The following LRRC74A variants were observed in gnomAD, a reference collection of about 807,000 sequenced individuals.
LRRC74A encodes the protein leucine-rich repeat-containing protein 74A.
In LRRC74A, 44 loss-of-function variants were observed where a neutral mutation model predicts 57.9. That is an observed-to-expected ratio of 0.76 (90% CI 0.60 to 0.98). The LOEUF is 0.98. Among genes scored for constraint, LRRC74A ranks in the 50% least tolerant of loss-of-function variants. The pLI is 0.00. For synonymous variants in LRRC74A, 211 were observed against 219.4 expected (o/e 0.96, Z 0.34); for missense variants, 572 against 574.0 (o/e 1.00, Z 0.04).
In LRRC74A at chr14:76,831,208, G is replaced by A. The variant is rs1895946269; in HGVS notation, c.172G>A (p.Glu58Lys). Residue 58 changes from glutamate (E) to lysine (K), a missense_variant, in exon 3 of 14, where the codon GAG (glutamate) becomes AAG (lysine). Glu to Lys is a moderately conservative substitution (Grantham distance 56). Coordinates refer to ENST00000689127, the MANE Select transcript of LRRC74A (RefSeq NM_001385106.1). ...CAGCCCATCTTTCTCTGCAGATGATGAGAAATTTTTCACCACTGGACAAAA... is the reference window on the plus strand; with the variant it reads ...CAGCCCATCTTTCTCTGCAGATGATAAGAAATTTTTCACCACTGGACAAAA... ...SETDLEIEDD[E>K]KFFTTGQKEL... The A allele has an allele frequency of 6.2e-7, 1 of 1,613,846 alleles. No individual in the cohort carries two copies. The highest frequency in any genetic ancestry group is 1.3e-5 in the African/African-American group (1 of 74,942).
intron 4 of LRRC74A, among the ~76,000 whole-genome samples, chr14:76,836,655 C>T (rs1344782733): frequency 6.7e-6 from 1 of 150,358 alleles, no homozygotes; most frequent in Non-Finnish European, 1.5e-5. Flanking sequence ...CAAAAATTAG[C>T]AGGCATGGTG....
intron 7 of LRRC74A, among the ~76,000 whole-genome samples, chr14:76,848,145 G>GGGAGGGATAGCATTA (rs1457867800): frequency 1.4e-5 from 2 of 145,022 alleles, no homozygotes; most frequent in African/African-American, 2.6e-5. Flanking sequence ...GGGGGGAGTG[G>GGGAGGGATAGCATTA]GGAGGGATAG....
intron 4 of LRRC74A, among the ~76,000 whole-genome samples, chr14:76,837,000 T>C (rs1176112106): frequency 6.6e-6 from 1 of 150,720 alleles, no homozygotes. Flanking sequence ...AACTTAGCTG[T>C]GCATGGTGGT....
chr14:76,870,233 T>C lies in LRRC74A; in HGVS notation c.*84T>C. 1 of 1,429,070 alleles carries C rather than the reference T, an allele frequency of 7.0e-7. No homozygotes were observed. The allele number at this position is 1,429,070 out of a possible 1,614,324, so 88.5% of individuals were successfully genotyped here. On this transcript the variant is annotated 3_prime_UTR_variant, in exon 14 of 14. Coordinates refer to ENST00000689127, the MANE Select transcript of LRRC74A (RefSeq NM_001385106.1). ...GGCAGGGAGGAGAGCAAGAGGTGGCTGAAATCTCGATGGACAGATGCTGTG... is the reference window on the plus strand; with the variant it reads ...GGCAGGGAGGAGAGCAAGAGGTGGCCGAAATCTCGATGGACAGATGCTGTG...
intron 9 of LRRC74A, among the ~76,000 whole-genome samples, chr14:76,854,791 T>C (rs1052187524): frequency 2.0e-5 from 3 of 152,186 alleles, no homozygotes; most frequent in African/African-American, 4.8e-5. Flanking sequence ...ATAGATGCTA[T>C]TGAGCAGTTG....
intron 3 of LRRC74A, among the ~76,000 whole-genome samples, chr14:76,832,349 C>G (rs1896030163): frequency 6.6e-6 from 1 of 152,190 alleles, no homozygotes; most frequent in African/African-American, 2.4e-5. Flanking sequence ...TCTCTGTTGT[C>G]CAGTCTGGAA....
chr14:76,850,635 G>A (rs929794040), intron 7 of LRRC74A, among the ~76,000 whole-genome samples: 1 of 152,112 alleles, frequency 6.6e-6, no homozygotes, highest in Admixed American at 6.6e-5. Context: ...GGGAGTCCGA[G>A]GCGGGTGGAT....
At chr14:76,863,675 G>A (rs1025931471) in intron 11 of LRRC74A, among the ~76,000 whole-genome samples, 1 of 152,188 alleles carries the variant, frequency 6.6e-6, no homozygotes, top group African/African-American at 2.4e-5. Flanking sequence ...AAAGTAGCTG[G>A]GCAAGGTTCT....
chr14:76,850,861 AAAAGAAAG>A (rs1555367244), intron 7 of LRRC74A, among the ~76,000 whole-genome samples: 1 of 96,534 alleles, frequency 1.0e-5, no homozygotes, highest in Non-Finnish European at 2.1e-5. Flanking sequence ...AAAAAAAAAA[AAAAGAAAG>A]AAAGAAAGAA....
chr14:76,833,526 C>T (rs1896114868), intron 3 of LRRC74A, among the ~76,000 whole-genome samples: 1 of 140,190 alleles, frequency 7.1e-6, no homozygotes, highest in Admixed American at 8.0e-5. Flanking sequence ...ACTGCAACTT[C>T]TACCTCCCAG....
chr14:76,836,991 A>C (rs1896397228), intron 4 of LRRC74A, among the ~76,000 whole-genome samples: 1 of 151,134 alleles, frequency 6.6e-6, no homozygotes, highest in Non-Finnish European at 1.5e-5. Context: ...AAATATAAAA[A>C]CTTAGCTGTG....
chr14:76,834,813 C>T (rs1014391100), intron 3 of LRRC74A, among the ~76,000 whole-genome samples: 3 of 152,168 alleles, frequency 2.0e-5, no homozygotes, highest in Admixed American at 6.5e-5. Flanking sequence ...AGCACCTAGA[C>T]GGGAGGCCCC....
At chr14:76,836,462 C>T in intron 4 of LRRC74A, 148 bp downstream of exon 4, 1 of 575,324 alleles carries the variant, frequency 1.7e-6, no homozygotes, top group Non-Finnish European at 3.2e-6. Flanking sequence ...AGAGGAGGGC[C>T]ACATGTGAGA....
chr14:76,868,857 G>A (rs1899179947), intron 13 of LRRC74A, among the ~76,000 whole-genome samples: 3 of 152,366 alleles, frequency 2.0e-5, no homozygotes, highest in Non-Finnish European at 4.4e-5. Flanking sequence ...GCGGCTGTGC[G>A]CGGATCTCCT....
chr14:76,835,710 G>A (rs763896029), intron 3 of LRRC74A, among the ~76,000 whole-genome samples: 6 of 151,878 alleles, frequency 4.0e-5, no homozygotes, highest in Admixed American at 2.0e-4. Flanking sequence ...CATAGACCCC[G>A]TCTCAAAAAA....
chr14:76,837,617 C>T (rs984367344), intron 4 of LRRC74A, among the ~76,000 whole-genome samples: 2 of 152,166 alleles, frequency 1.3e-5, no homozygotes, highest in African/African-American at 4.8e-5. Flanking sequence ...AACAGGGAGT[C>T]CTTGAAGCCA....
In LRRC74A at chr14:76,857,310, T is replaced by C; in HGVS notation, c.958-70T>C. 4.4e-6 allele frequency: 4 copies of C among 917,230 alleles called. No individual in the cohort carries two copies. In the South Asian group the frequency reaches 5.7e-5, roughly 13 times the overall value. The allele number at this position is 917,230 out of a possible 1,614,324, so 56.8% of individuals were successfully genotyped here. ...ACAGAGGTTGTGATTTGATGAGATG[T>C]AGAAACTGTGCTCTGGGCCAGCCTC... On this transcript the variant is annotated intron_variant, in intron 9 of 13. Transcript: ENST00000689127.
intron 6 of LRRC74A, 115 bp downstream of exon 6, chr14:76,844,587 G>C (rs886746823): frequency 2.6e-6 from 3 of 1,138,254 alleles, no homozygotes; most frequent in Non-Finnish European, 3.8e-6. Context: ...TTAGGGACTG[G>C]GGAGTGTTTA....
chr14:76,833,843 T>A (rs745335069), intron 3 of LRRC74A, among the ~76,000 whole-genome samples: 1 of 152,198 alleles, frequency 6.6e-6, no homozygotes. Flanking sequence ...AACTTTATCA[T>A]GGGTAAGTAT....
Sources: gnomAD v4.1 joint callset for allele counts (sites outside exome capture counted in the v4.1 genomes callset) on GRCh38, gnomAD v4.1.1 for gene constraint, MANE v1.5 for transcripts, NCBI Gene and HGNC (gene_info 2026-07-23, HGNC 2026-07-21) for gene names.